RNF130: variants seen among roughly 807,000 people sequenced by gnomAD.
RNF130 encodes ring finger protein 130.
RNF130 carries 21 observed loss-of-function variants against 44.6 expected under a neutral mutation model. The ratio of observed to expected loss-of-function variants is 0.47; its 90% CI spans 0.33 to 0.68. RNF130 has a LOEUF of 0.68. Among genes scored for constraint, RNF130 ranks in the 30% least tolerant of loss-of-function variants. The pLI, the probability that RNF130 is intolerant of heterozygous loss-of-function variation, is 0.02. For missense variants in RNF130, 479 were observed against 560.6 expected (o/e 0.85, Z 1.47); for synonymous variants, 214 against 210.4 (o/e 1.02, Z -0.15).
intron 3 of RNF130, among the ~76,000 whole-genome samples, chr5:179,987,529 G>C (rs1031547880): frequency 6.6e-6 from 1 of 152,228 alleles, no homozygotes; most frequent in East Asian, 1.9e-4. Flanking sequence ...GTGGAACAGA[G>C]GGGGTGGTAG....
chr5:180,047,713 C>T (rs901296897), intron 1 of RNF130, among the ~76,000 whole-genome samples: 110 of 152,296 alleles, frequency 7.2e-4, no homozygotes, highest in African/African-American at 2.6e-3. Context: ...CACTCCACTC[C>T]AGCCTGGGCG....
intron 3 of RNF130, among the ~76,000 whole-genome samples, chr5:179,998,825 T>TA (rs2113051603): frequency 7.2e-6 from 1 of 139,720 alleles, no homozygotes; most frequent in East Asian, 2.1e-4. Flanking sequence ...ATTACTGTAT[T>TA]AGAGTTTATC....
At chr5:180,038,395 A>C (rs1379024343) in intron 2 of RNF130, among the ~76,000 whole-genome samples, 1 of 135,828 alleles carries the variant, frequency 7.4e-6, no homozygotes, top group African/African-American at 2.6e-5. Context: ...AGGGGGAAAA[A>C]AAAAAAGCCT....
chr5:179,933,672 C>G (rs960624582), intron 7 of RNF130: 6 of 315,472 alleles, frequency 1.9e-5, no homozygotes, highest in African/African-American at 1.3e-4. Flanking sequence ...CAGTCACGCT[C>G]CACCATGCCG....
chr5:179,993,324 G>C (rs1377607359), intron 3 of RNF130, among the ~76,000 whole-genome samples: 2 of 152,348 alleles, frequency 1.3e-5, no homozygotes, highest in African/African-American at 4.8e-5. Flanking sequence ...GGTTGAACTA[G>C]TTTACAGTCC....
rs1193243721 is a variant in RNF130, at chr5:180,040,650, G to A, written c.248-3C>T. Reference sequence around the variant, plus strand: ...ATCACAGCCCAGATGATCAGCAACTGAAAAGAAAAAGAAATACACACATTA... The same window carrying A: ...ATCACAGCCCAGATGATCAGCAACTAAAAAGAAAAAGAAATACACACATTA... On this transcript the variant is annotated splice_polypyrimidine_tract_variant and splice_region_variant and intron_variant, in intron 1 of 8. Coordinates refer to ENST00000521389, the MANE Select transcript of RNF130 (RefSeq NM_018434.6). The A allele has an allele frequency of 6.2e-7, 1 of 1,606,472 alleles. No individual in the cohort carries two copies. The highest frequency in any genetic ancestry group is 1.7e-5 in the Admixed American group (1 of 58,070).
At chr5:180,043,530 G>A (rs1055623876) in intron 1 of RNF130, among the ~76,000 whole-genome samples, 7 of 151,952 alleles carry the variant, frequency 4.6e-5, no homozygotes, top group Non-Finnish European at 1.0e-4. Flanking sequence ...CAGATCCCAA[G>A]CCTCATCTTT....
At chr5:180,063,597 C>T (rs60388708) in intron 1 of RNF130, among the ~76,000 whole-genome samples, 17,436 of 152,188 alleles carry the variant, frequency 0.11, 2,190 homozygotes, top group African/African-American at 0.32. Context: ...AATCAAGATA[C>T]GGGAGGAGGT....
At chr5:179,913,227 AG>A (rs892607902) in exon 8 of RNF130, 17 of 152,468 alleles carry the variant, frequency 1.1e-4, no homozygotes, top group African/African-American at 4.1e-4. Flanking sequence ...TGGGCCGCCT[AG>A]AGCTTTTGTG....
chr5:180,045,269 C>A (rs936374852), intron 1 of RNF130, among the ~76,000 whole-genome samples: 1 of 152,158 alleles, frequency 6.6e-6, no homozygotes, highest in African/African-American at 2.4e-5. Context: ...CCACTGTGTT[C>A]GGAATTCGTG....
At chr5:180,037,375 T>C (rs565508946) in intron 2 of RNF130, among the ~76,000 whole-genome samples, 90 of 152,252 alleles carry the variant, frequency 5.9e-4, no homozygotes, top group African/African-American at 2.1e-3. Context: ...TGCTCCACCG[T>C]AGGCATCCAT....
intron 1 of RNF130, among the ~76,000 whole-genome samples, chr5:180,054,000 AGAGATGGG>A (rs1764746735): frequency 6.6e-6 from 1 of 151,964 alleles, no homozygotes; most frequent in Non-Finnish European, 1.5e-5. Context: ...TATTTTTAGC[AGAGATGGG>A]GTTTCACTAT....
chr5:180,020,822 AC>A (rs1396829166), intron 2 of RNF130, among the ~76,000 whole-genome samples: 4 of 152,174 alleles, frequency 2.6e-5, no homozygotes, highest in African/African-American at 9.6e-5. Flanking sequence ...AAGACAAGCC[AC>A]CAATCAGTGG....
At chr5:179,999,684 T>A (rs1763289782) in intron 3 of RNF130, among the ~76,000 whole-genome samples, 2 of 152,002 alleles carry the variant, frequency 1.3e-5, no homozygotes. Context: ...ACCACTGCAC[T>A]CCAGCCTAGG....
At chr5:179,932,621 T>C (rs942365997) in intron 7 of RNF130, among the ~76,000 whole-genome samples, 8 of 151,802 alleles carry the variant, frequency 5.3e-5, no homozygotes, top group Non-Finnish European at 8.8e-5. Context: ...ATGGATCACC[T>C]GAGGTCAGGA....
intron 7 of RNF130, among the ~76,000 whole-genome samples, chr5:179,926,549 T>G (rs1761709855): frequency 1.0e-5 from 1 of 99,340 alleles, no homozygotes; most frequent in Non-Finnish European, 1.8e-5. Flanking sequence ...CTCGGGAGGC[T>G]GAGCAGGGGA....
At chr5:179,958,375 A>C (rs2113695438) in intron 8 of RNF130, among the ~76,000 whole-genome samples, 1 of 152,340 alleles carries the variant, frequency 6.6e-6, no homozygotes, top group South Asian at 2.1e-4. Context: ...TCACAACACA[A>C]AATGTATCTC....
intron 1 of RNF130, among the ~76,000 whole-genome samples, chr5:180,058,515 C>G (rs76315806): frequency 0.11 from 16,165 of 152,126 alleles, 1,080 homozygotes; most frequent in East Asian, 0.21. Context: ...GCAGGGGCTG[C>G]GGCAGAGGGG....
At chr5:180,068,387 G>A (rs775273633) in intron 1 of RNF130, among the ~76,000 whole-genome samples, 1 of 152,162 alleles carries the variant, frequency 6.6e-6, no homozygotes, top group African/African-American at 2.4e-5. Flanking sequence ...TTCTAAACAC[G>A]AATTCTTTAC....
Sources: allele counts gnomAD v4.1 joint callset (sites outside exome capture counted in the v4.1 genomes callset), GRCh38; gene constraint gnomAD v4.1.1; transcripts MANE v1.5; gene names NCBI Gene and HGNC (gene_info 2026-07-23, HGNC 2026-07-21).